RASGRF1: variants seen among roughly 807,000 people sequenced by gnomAD.
RASGRF1 encodes the protein ras-specific guanine nucleotide-releasing factor 1.
Under a neutral mutation model 138.7 loss-of-function variants are expected in RASGRF1, and 40 were observed. The ratio of observed to expected loss-of-function variants is 0.29; its 90% CI spans 0.22 to 0.38. The LOEUF (loss-of-function observed/expected upper bound fraction) is 0.38. RASGRF1 is among the 10% of genes least tolerant of loss of function. RASGRF1 has a pLI of 1.00. For synonymous variants in RASGRF1, 614 were observed against 663.2 expected (o/e 0.93, Z 1.14); for missense variants, 1,108 against 1,650.4 (o/e 0.67, Z 5.69).
At chr15:78,980,756 C>T (rs2278650) in intron 23 of RASGRF1, 57 bp from the exon 24 acceptor site, 66 of 1,354,014 alleles carry the variant, frequency 4.9e-5, no homozygotes, top group Non-Finnish European at 6.6e-5. Flanking sequence ...TCCCCGAGGC[C>T]CGGGGATCAG....
intron 20 of RASGRF1, among the ~76,000 whole-genome samples, chr15:78,993,370 G>GTA (rs1418369251): frequency 8.3e-6 from 1 of 120,146 alleles, no homozygotes; most frequent in Admixed American, 7.9e-5. Flanking sequence ...TTTGGTGTGT[G>GTA]TAGTGTGTGT....
At chr15:79,009,871 C>G (rs1168929853) in intron 13 of RASGRF1, among the ~76,000 whole-genome samples, 1 of 149,038 alleles carries the variant, frequency 6.7e-6, no homozygotes, top group Non-Finnish European at 1.5e-5. Context: ...ATTACAGGTG[C>G]CCACCACCAC....
intron 10 of RASGRF1, among the ~76,000 whole-genome samples, chr15:79,020,380 C>G (rs981966722): frequency 6.6e-6 from 1 of 152,254 alleles, no homozygotes; most frequent in Non-Finnish European, 1.5e-5. Context: ...GTGGAGCGGA[C>G]AGAACCTGGC....
rs115165020 is a variant in RASGRF1 at position 79,011,618 on chromosome 15, T to C, written c.1826+3709A>G. 4.4e-3 allele frequency among the ~76,000 whole-genome samples: 665 copies of C among 152,276 alleles called. 8 individuals carry two copies. The highest frequency in any genetic ancestry group is 0.015 in the African/African-American group (628 of 41,556). On this transcript the variant is annotated intron_variant, in intron 13 of 26. Coordinates refer to ENST00000558480, the MANE Select transcript of RASGRF1 (RefSeq NM_001145648.3). Reference sequence around the variant, plus strand: ...GGCTACAGCTGTGGCCAGGCACTCGTCCCTATACCAGAGAGAGGGCAATTC... The same window carrying C: ...GGCTACAGCTGTGGCCAGGCACTCGCCCCTATACCAGAGAGAGGGCAATTC...
chr15:79,032,387 T>TC lies in RASGRF1; in HGVS notation c.959-72dup, dbSNP rs1468714717. 1 of 1,469,166 alleles carries TC rather than the reference T, an allele frequency of 6.8e-7. No individual in the cohort carries two copies. The highest frequency in any genetic ancestry group is 2.3e-5 in the East Asian group (1 of 43,640). 91.0% of individuals were successfully genotyped at this position (1,469,166 alleles called of 1,614,324 possible). A position where few individuals can be genotyped will look rare whatever the true frequency, so the allele number is the denominator to read the frequency against. The stretch of plus-strand genomic sequence containing the variant: ...GGACAGAATCCCCTAGGCCCTTGGC[T>TC]CCCCCAGCTACACCCAGAGAGGCCA... On this transcript the variant is annotated intron_variant, in intron 6 of 26. Coordinates refer to ENST00000558480, the MANE Select transcript of RASGRF1 (RefSeq NM_001145648.3). The surrounding 1 kb of genome is among the most constrained non-coding windows in gnomAD (Gnocchi z 4.5).
chr15:79,000,115 C>A (rs1403644426), intron 16 of RASGRF1, among the ~76,000 whole-genome samples: 1 of 152,140 alleles, frequency 6.6e-6, no homozygotes, highest in Non-Finnish European at 1.5e-5. Context: ...CACCACAACA[C>A]CCTCAGGGCT....
intron 1 of RASGRF1, among the ~76,000 whole-genome samples, chr15:79,087,907 C>T (rs1412678834): frequency 2.0e-5 from 3 of 152,220 alleles, no homozygotes; most frequent in Non-Finnish European, 2.9e-5. Flanking sequence ...CTACTTTTAA[C>T]CCGGTTCTGT....
At chr15:79,058,000 G>T (rs114411206) in intron 3 of RASGRF1, among the ~76,000 whole-genome samples, 9 of 152,308 alleles carry the variant, frequency 5.9e-5, no homozygotes, top group Non-Finnish European at 1.3e-4. Context: ...ACAGTAACTA[G>T]GAGCTTGCCC....
At chr15:79,089,380 G>T (rs962522796) in intron 1 of RASGRF1, among the ~76,000 whole-genome samples, 9 of 152,298 alleles carry the variant, frequency 5.9e-5, no homozygotes, top group Admixed American at 1.3e-4. Flanking sequence ...CTCCCTTCAC[G>T]CCAGAGGCTC....
At chr15:79,019,167 C>T (rs2140977897) in intron 11 of RASGRF1, among the ~76,000 whole-genome samples, 1 of 152,236 alleles carries the variant, frequency 6.6e-6, no homozygotes, top group African/African-American at 2.4e-5. Flanking sequence ...GTGCTTCAGA[C>T]ACAGCCCACC....
intron 20 of RASGRF1, among the ~76,000 whole-genome samples, chr15:78,994,094 A>T (rs1239303592): frequency 1.3e-5 from 2 of 152,196 alleles, no homozygotes; most frequent in African/African-American, 4.8e-5. Flanking sequence ...GTTGAGGGGT[A>T]AACATTCCAG....
rs2057074990 is a variant in RASGRF1, at chr15:79,027,401, G to A, written c.1381+340C>T. Reference sequence around the variant, plus strand: ...TTCTGACTCACAGAGACAACTGTTAGCTCCTCATCCCCCGCCCCATACTTT... The same window carrying A: ...TTCTGACTCACAGAGACAACTGTTAACTCCTCATCCCCCGCCCCATACTTT... On this transcript the variant is annotated intron_variant, in intron 9 of 26. Transcript: ENST00000558480. This position sits in a 1 kb window ranked among gnomAD's most constrained non-coding sequence, Gnocchi z 4.8. 6.6e-6 allele frequency among the ~76,000 whole-genome samples: 1 copy of A among 152,140 alleles called. No homozygotes were observed. The highest frequency in any genetic ancestry group is 2.1e-4 in the South Asian group (1 of 4,820).
intron 26 of RASGRF1, among the ~76,000 whole-genome samples, chr15:78,962,466 A>G (rs1000874918): frequency 6.6e-6 from 1 of 152,244 alleles, no homozygotes; most frequent in African/African-American, 2.4e-5. Context: ...TAAGGCTGGT[A>G]CAAAAGTAAA....
intron 2 of RASGRF1, among the ~76,000 whole-genome samples, chr15:79,060,893 T>G (rs560668041): frequency 2.0e-4 from 30 of 149,360 alleles, no homozygotes; most frequent in Non-Finnish European, 3.8e-4. Context: ...CTGCAGGGCT[T>G]CTTCTCCTGT....
chr15:79,036,096 C>T (rs1567556462), intron 5 of RASGRF1, among the ~76,000 whole-genome samples: 1 of 152,240 alleles, frequency 6.6e-6, no homozygotes, highest in Non-Finnish European at 1.5e-5. Flanking sequence ...TCTCCTCTCC[C>T]AGGACAAGCT....
chr15:78,986,351 C>CTTTT (rs111273337), intron 22 of RASGRF1, among the ~76,000 whole-genome samples: 60 of 144,686 alleles, frequency 4.1e-4, no homozygotes, highest in African/African-American at 1.5e-3. Flanking sequence ...TTCTAAGACT[C>CTTTT]TTTTTTTTTT....
rs372401207 is a variant in RASGRF1, at chr15:79,058,326, G to A, written c.531+8C>T. ...AGGGCCTGGGCCCACCCCCCAGCCC[G>A]CAGTCACCTCTGCCTTCAGCCGCTC... On this transcript the variant is annotated splice_region_variant and intron_variant, in intron 3 of 26. Coordinates refer to ENST00000558480, the MANE Select transcript of RASGRF1 (RefSeq NM_001145648.3). The A allele has an allele frequency of 1.7e-5, 27 of 1,611,244 alleles. No homozygotes were observed. The highest frequency in any genetic ancestry group is 9.3e-5 in the African/African-American group (7 of 74,892).
intron 1 of RASGRF1, among the ~76,000 whole-genome samples, chr15:79,066,524 A>G (rs736827): frequency 0.25 from 37,898 of 152,238 alleles, 5,132 homozygotes; most frequent in East Asian, 0.42. Context: ...TCCCAGAGCT[A>G]TAGGAGCCCA....
chr15:78,967,939 T>C (rs1450119016), intron 26 of RASGRF1, among the ~76,000 whole-genome samples: 1 of 152,220 alleles, frequency 6.6e-6, no homozygotes, highest in Non-Finnish European at 1.5e-5. Context: ...TAAAATTAGC[T>C]GATGTACAGA....
Sources: allele counts gnomAD v4.1 joint callset (sites outside exome capture counted in the v4.1 genomes callset), GRCh38; gene constraint gnomAD v4.1.1; non-coding constraint Gnocchi (gnomAD v3.1); transcripts MANE v1.5; gene names NCBI Gene and HGNC (gene_info 2026-07-23, HGNC 2026-07-21).